IWS1: variants seen among roughly 807,000 people sequenced by gnomAD.
IWS1 encodes the protein protein IWS1 homolog.
In IWS1, 27 loss-of-function variants were observed where a neutral mutation model predicts 86.7. The ratio of observed to expected loss-of-function variants is 0.31; its 90% CI spans 0.23 to 0.43. The LOEUF (loss-of-function observed/expected upper bound fraction) is 0.43. Ranked by LOEUF, IWS1 falls within the 20% of genes least tolerant of loss-of-function variation. The pLI is 1.00. For missense variants in IWS1, 827 were observed against 1,000.8 expected, an observed-to-expected ratio of 0.83 and a Z score of 2.34; for synonymous variants, 313 against 335.1, an observed-to-expected ratio of 0.93 and a Z score of 0.72.
rs570633494 is a variant in IWS1 at position 127,516,734 on chromosome 2, G to T, written c.150+6942C>A. 6.6e-5 allele frequency among the ~76,000 whole-genome samples: 10 copies of T among 152,286 alleles called. 1 individual carries two copies. The South Asian group carries it at 1.9e-3, about 28-fold the overall frequency. ...CATAATTTTTTCACATGCCCGCTGT[G>T]TCAAAGTGAGCCACAAATACACCAC... On this transcript the variant is annotated intron_variant, in intron 2 of 13. Coordinates refer to ENST00000295321, the MANE Select transcript of IWS1 (RefSeq NM_017969.3).
At chr2:127,481,312 C>T in intron 13 of IWS1, 137 bp from the exon 14 acceptor site, 1 of 680,058 alleles carries the variant, frequency 1.5e-6, no homozygotes. Flanking sequence ...TTGATGACCT[C>T]AAGAACAACA....
intron 6 of IWS1, among the ~76,000 whole-genome samples, chr2:127,497,394 G>A (rs1478598973): frequency 6.6e-6 from 1 of 152,080 alleles, no homozygotes; most frequent in Admixed American, 6.5e-5. Flanking sequence ...AGCATGAGTA[G>A]AAAAAATGAA....
In IWS1 at chr2:127,526,216, G is replaced by A. The variant is rs763244319; in HGVS notation, c.-8C>T. On this transcript the variant is annotated 5_prime_UTR_variant, in exon 1 of 14. Transcript: ENST00000295321. ...GTAATATTCCGAGTCCATGGCAGGC[G>A]GACTCTCAGCGGGGAGTGTCCGCGC... 45 of 1,568,756 alleles carry A rather than the reference G, an allele frequency of 2.9e-5. No homozygotes were observed. Among genetic ancestry groups the A allele is most frequent in the Non-Finnish European group, 3.8e-5 (44 of 1,158,778 alleles).
chr2:127,518,400 C>T (rs1404372007), intron 2 of IWS1, among the ~76,000 whole-genome samples: 1 of 152,094 alleles, frequency 6.6e-6, no homozygotes, highest in East Asian at 1.9e-4. Context: ...CCTGTGGTCT[C>T]AGCTACTTGG....
At chr2:127,514,027 C>T (rs188414855) in intron 2 of IWS1, among the ~76,000 whole-genome samples, 42 of 152,324 alleles carry the variant, frequency 2.8e-4, no homozygotes, top group African/African-American at 9.6e-4. Flanking sequence ...GAATGAGAAC[C>T]TTTATTCCCG....
At chr2:127,496,877 T>C (rs1398692028) in intron 6 of IWS1, among the ~76,000 whole-genome samples, 1 of 152,194 alleles carries the variant, frequency 6.6e-6, no homozygotes, top group Non-Finnish European at 1.5e-5. Flanking sequence ...CACGTCCAAC[T>C]ATATTGTATT....
At chr2:127,498,106 T>C (rs1346152246) in intron 6 of IWS1, 34 bp downstream of exon 6, 4 of 1,499,560 alleles carry the variant, frequency 2.7e-6, no homozygotes, top group Non-Finnish European at 3.7e-6. Flanking sequence ...ATTTTTAAAC[T>C]TCTCTTTAAC....
rs1327980877 is a variant in IWS1, at chr2:127,491,989, T to C, written c.2029A>G (p.Met677Val). 2 of 1,609,808 alleles carry C rather than the reference T, an allele frequency of 1.2e-6. No homozygotes were observed. Among genetic ancestry groups the C allele is most frequent in the East Asian group, 2.2e-5 (1 of 44,870 alleles). The change falls in exon 10 of 14, where the codon ATG (methionine) becomes GTG (valine). Residue 677 changes from methionine to valine, a missense_variant. Physicochemically the swap from Met to Val is conservative, Grantham distance 21. Transcript: ENST00000295321. The stretch of plus-strand genomic sequence containing the variant: ...TACATACTGATTAATTTCCCTGCCA[T>C]GTCCTTGTTAGACCTTGACTCCTTG... ...HPKESRSNKD[M>V]AGKLINEWSR...
At position 127,504,839 on chromosome 2, in the gene IWS1, A is replaced by G. The variant is rs1691028324; in HGVS notation, c.1064T>C (p.Met355Thr). The change falls in exon 3 of 14, where the codon ATG (methionine) becomes ACG (threonine). Residue 355 changes from methionine to threonine, a missense_variant. By Grantham distance (81) the Met-to-Thr change is moderately conservative. This residue lies in a region of IWS1 where 548 missense variants were observed against 560.2 expected (regional missense o/e 0.98). Coordinates refer to ENST00000295321, the MANE Select transcript of IWS1 (RefSeq NM_017969.3). Reference protein sequence around the residue: ...QNDSFHSDSHMDRKKFHSSDS... With the variant: ...QNDSFHSDSHTDRKKFHSSDS... ...AGAACTGTGAAACTTTTTTCTGTCC[A>G]TATGGCTGTCTGAATGGAAGGAGTC... The G allele has an allele frequency of 3.1e-6, 5 of 1,614,046 alleles. No individual in the cohort carries two copies. The highest frequency in any genetic ancestry group is 1.7e-5 in the Admixed American group (1 of 60,002).
intron 5 of IWS1, chr2:127,501,716 C>G (rs556215771): frequency 1.3e-5 from 2 of 151,582 alleles, no homozygotes; most frequent in African/African-American, 2.4e-5. Context: ...TTCCCCACCC[C>G]CTCCCACCCC....
In IWS1 at chr2:127,526,326, G is replaced by T. The variant is rs1309363128; in HGVS notation, c.-118C>A. On this transcript the variant is annotated 5_prime_UTR_variant, in exon 1 of 14. Transcript: ENST00000295321. ...GTTCAGAGACTGCCGCCCGACCGGA[G>T]AACTTAACGGGTGCGGAGGGTAAGA... The T allele has an allele frequency of 2.6e-6, 4 of 1,539,432 alleles. No homozygotes were observed. The highest frequency in any genetic ancestry group is 3.5e-6 in the Non-Finnish European group (4 of 1,146,774).
At position 127,504,815 on chromosome 2, in the gene IWS1, G is replaced by C; in HGVS notation, c.1088C>G (p.Ser363Cys). ...SHMDRKKFHS[S>C]DSEEEEHKKQ... is the part of the protein sequence containing the mutation. ...TTTGTGTTCTTCCTCCTCACTATCA[G>C]AACTGTGAAACTTTTTTCTGTCCAT... The change falls in exon 3 of 14, where the codon TCT becomes TGT. Residue 363 changes from serine to cysteine, a missense_variant. By Grantham distance (112) the Ser-to-Cys change is moderately radical. Transcript: ENST00000295321. 1 of 1,614,072 alleles carries C rather than the reference G, an allele frequency of 6.2e-7. No individual in the cohort carries two copies. The highest frequency in any genetic ancestry group is 8.5e-7 in the Non-Finnish European group (1 of 1,180,020).
intron 2 of IWS1, among the ~76,000 whole-genome samples, chr2:127,518,301 A>G (rs1214998886): frequency 1.3e-5 from 2 of 152,114 alleles, no homozygotes; most frequent in Non-Finnish European, 2.9e-5. Flanking sequence ...GGATGGCTTG[A>G]GCTCAGGGGC....
rs1419283644 is a variant in IWS1, at chr2:127,483,571, C to CGGGGGGGGGG, written c.2329-2397_2329-2396insCCCCCCCCCC. The stretch of plus-strand genomic sequence containing the variant: ...AAAATAACCAAAATTATAATTTGGT[C>CGGGGGGGGGG]GGGGCGGGGGGTGGTGGGGTGGGGG... On this transcript the variant is annotated intron_variant, in intron 13 of 13. Transcript: ENST00000295321. Among the ~76,000 whole-genome samples the CGGGGGGGGGG allele has an allele frequency of 1.9e-3, 39 of 20,134 alleles. 2 individuals carry two copies. The highest frequency in any genetic ancestry group is 3.2e-3 in the East Asian group (2 of 620). The allele number at this position is 20,134 out of a possible 152,430, so 13.2% of individuals were successfully genotyped here. A position where few individuals can be genotyped will look rare whatever the true frequency, so the allele number is the denominator to read the frequency against.
At position 127,526,301 on chromosome 2, in the gene IWS1, G is replaced by T. The variant is rs113837811; in HGVS notation, c.-93C>A. On this transcript the variant is annotated 5_prime_UTR_variant, in exon 1 of 14. Coordinates refer to ENST00000295321, the MANE Select transcript of IWS1 (RefSeq NM_017969.3). ...GTGACCCCGGATGGCGCGGCTAAGT[G>T]TTCAGAGACTGCCGCCCGACCGGAG... 1 of 1,543,006 alleles carries T rather than the reference G, an allele frequency of 6.5e-7. No homozygotes were observed. The highest frequency in any genetic ancestry group is 2.4e-5 in the East Asian group (1 of 40,934).
In IWS1 at chr2:127,492,134, G is replaced by A. The variant is rs765807607; in HGVS notation, c.1930-46C>T. The A allele has an allele frequency of 4.0e-6, 5 of 1,262,516 alleles. No individual in the cohort carries two copies. The African/African-American group carries it at 7.4e-5, about 19-fold the overall frequency. The allele number at this position is 1,262,516 out of a possible 1,614,324, so 78.2% of individuals were successfully genotyped here. A position where few individuals can be genotyped will look rare whatever the true frequency, so the allele number is the denominator to read the frequency against. ...CACACATATTAATCACTCGGAAGCTGGGGGTCTTGCTAGTCTATTCTAGAG... is the reference window on the plus strand; with the variant it reads ...CACACATATTAATCACTCGGAAGCTAGGGGTCTTGCTAGTCTATTCTAGAG... On this transcript the variant is annotated intron_variant, in intron 9 of 13. Coordinates refer to ENST00000295321, the MANE Select transcript of IWS1 (RefSeq NM_017969.3).
At chr2:127,515,112 T>C (rs1014036870) in intron 2 of IWS1, among the ~76,000 whole-genome samples, 1 of 152,260 alleles carries the variant, frequency 6.6e-6, no homozygotes, top group African/African-American at 2.4e-5. Flanking sequence ...ATTTTCTACA[T>C]TGTTGAGTAT....
In IWS1 at chr2:127,489,852, A is replaced by T; in HGVS notation, c.2139T>A (p.Pro713=). ...CATACCTGTTCATTCTTCGTCGTTG[A>T]GGCATCTGTTCTAGATCTCTCTGCT... The part of the protein sequence containing the change: ...EREQRDLEQM[P]QRRRMNSTGG... The change falls in exon 11 of 14, where the codon CCT becomes CCA. Residue 713 remains proline, a synonymous_variant. Coordinates refer to ENST00000295321, the MANE Select transcript of IWS1 (RefSeq NM_017969.3). The surrounding 1 kb of genome is among the most constrained non-coding windows in gnomAD (Gnocchi z 4.8). 1 of 1,606,084 alleles carries T rather than the reference A, an allele frequency of 6.2e-7. No individual in the cohort carries two copies. The highest frequency in any genetic ancestry group is 8.5e-7 in the Non-Finnish European group (1 of 1,172,750).
chr2:127,523,744 C>A lies in IWS1; in HGVS notation c.82G>T (p.Asp28Tyr), dbSNP rs753624662. ...PVQDERDSGSDGEDDVNEQHS... is the reference protein window; with the variant it reads ...PVQDERDSGSYGEDDVNEQHS... ...TGCTCATTTACATCATCCTCACCGT[C>A]TGACCCTGAATCCCGTTCATCCTGT... Residue 28 changes from aspartate to tyrosine, a missense_variant, in exon 2 of 14, where the codon GAC becomes TAC. Coordinates refer to ENST00000295321, the MANE Select transcript of IWS1 (RefSeq NM_017969.3). The A allele has an allele frequency of 6.2e-6, 10 of 1,614,002 alleles. No homozygotes were observed. The highest frequency in any genetic ancestry group is 5.0e-5 in the Admixed American group (3 of 59,948).
Sources: gnomAD v4.1 joint callset for allele counts (sites outside exome capture counted in the v4.1 genomes callset) on GRCh38, gnomAD v4.1.1 for gene constraint, gnomAD v4.1.1 regional missense constraint, Gnocchi (gnomAD v3.1) non-coding constraint, MANE v1.5 for transcripts, NCBI Gene and HGNC (gene_info 2026-07-23, HGNC 2026-07-21) for gene names.